The following DCLK1 variants were observed in gnomAD, a reference collection of about 807,000 sequenced individuals.
The protein encoded by DCLK1 is doublecortin like kinase 1.
DCLK1 carries 16 observed loss-of-function variants against 86.2 expected under a neutral mutation model. The ratio of observed to expected loss-of-function variants is 0.19; its 90% CI spans 0.13 to 0.28. The LOEUF (loss-of-function observed/expected upper bound fraction) is 0.28. Among genes scored for constraint, DCLK1 ranks in the 10% least tolerant of loss-of-function variants. DCLK1 has a pLI of 1.00. For synonymous variants in DCLK1, 369 were observed against 370.5 expected, an observed-to-expected ratio of 1.00 and a Z score of 0.05; for missense variants, 590 against 940.2, an observed-to-expected ratio of 0.63 and a Z score of 4.87.
At chr13:36,098,518 G>A (rs1428243029) in intron 3 of DCLK1, among the ~76,000 whole-genome samples, 1 of 152,118 alleles carries the variant, frequency 6.6e-6, no homozygotes, top group East Asian at 1.9e-4. Flanking sequence ...AGAGAGATTT[G>A]CAATTATTTA....
intron 3 of DCLK1, among the ~76,000 whole-genome samples, chr13:36,098,814 G>A (rs1382375849): frequency 6.6e-6 from 1 of 152,132 alleles, no homozygotes; most frequent in Non-Finnish European, 1.5e-5. Flanking sequence ...ATCTTAATGG[G>A]AAAGTGCAGG....
At chr13:35,796,368 A>C (rs970147345) in intron 15 of DCLK1, among the ~76,000 whole-genome samples, 3 of 152,202 alleles carry the variant, frequency 2.0e-5, no homozygotes, top group Non-Finnish European at 4.4e-5. Context: ...GCTAGTGAAA[A>C]GGGAGAGTTG....
chr13:36,117,455 A>C (rs1224461075), intron 2 of DCLK1, among the ~76,000 whole-genome samples: 2 of 152,210 alleles, frequency 1.3e-5, no homozygotes, highest in African/African-American at 2.4e-5. Context: ...CAGCAACAAA[A>C]TAATACAAGG....
chr13:35,790,011 C>T (rs1480650025), intron 16 of DCLK1, among the ~76,000 whole-genome samples: 1 of 152,088 alleles, frequency 6.6e-6, no homozygotes, highest in African/African-American at 2.4e-5. Flanking sequence ...CATGGCTTGA[C>T]CTAATGTCAG....
chr13:35,928,306 C>A (rs1464803767), intron 4 of DCLK1, among the ~76,000 whole-genome samples: 1 of 152,170 alleles, frequency 6.6e-6, no homozygotes, highest in Non-Finnish European at 1.5e-5. Context: ...GCACTGCGGC[C>A]TGCCTGCCAC....
intron 3 of DCLK1, among the ~76,000 whole-genome samples, chr13:36,070,067 TAA>T (rs1395598992): frequency 1.3e-5 from 2 of 152,036 alleles, no homozygotes; most frequent in Non-Finnish European, 2.9e-5. Flanking sequence ...AAAAATAAAA[TAA>T]AATCCTTAAG....
chr13:36,006,554 T>A (rs1345697861), intron 3 of DCLK1, among the ~76,000 whole-genome samples: 2 of 152,222 alleles, frequency 1.3e-5, no homozygotes, highest in African/African-American at 4.8e-5. Flanking sequence ...TTTGCCACTT[T>A]CCATGTTTAA....
chr13:35,816,959 A>G (rs1241668123), intron 11 of DCLK1, among the ~76,000 whole-genome samples: 3 of 152,178 alleles, frequency 2.0e-5, no homozygotes, highest in Admixed American at 1.3e-4. Context: ...GTTATATATT[A>G]CCAAATTGCC....
intron 8 of DCLK1, among the ~76,000 whole-genome samples, chr13:35,835,700 C>G (rs1007004431): frequency 1.3e-5 from 2 of 152,122 alleles, no homozygotes; most frequent in Non-Finnish European, 2.9e-5. Context: ...AACTTTCTGA[C>G]CTCTACAAAA....
chr13:36,100,595 C>G (rs1158694106), intron 3 of DCLK1, among the ~76,000 whole-genome samples: 1 of 152,018 alleles, frequency 6.6e-6, no homozygotes, highest in Non-Finnish European at 1.5e-5. Flanking sequence ...TATTTTTTCC[C>G]TAATTTAGAG....
chr13:35,985,394 A>C (rs1361641769), intron 3 of DCLK1, among the ~76,000 whole-genome samples: 1 of 151,762 alleles, frequency 6.6e-6, no homozygotes, highest in Non-Finnish European at 1.5e-5. Flanking sequence ...AAACAAACAA[A>C]AAAAAAAAAT....
intron 3 of DCLK1, among the ~76,000 whole-genome samples, chr13:36,062,450 C>T (rs568632446): frequency 2.0e-5 from 3 of 152,180 alleles, no homozygotes; most frequent in African/African-American, 7.2e-5. Context: ...GGAGAACAAC[C>T]CACCTGTTAC....
At chr13:36,012,092 C>A (rs1593815967) in intron 3 of DCLK1, among the ~76,000 whole-genome samples, 1 of 140,180 alleles carries the variant, frequency 7.1e-6, no homozygotes. Flanking sequence ...AGATCTTCCT[C>A]CATCCTTTTA....
intron 3 of DCLK1, among the ~76,000 whole-genome samples, chr13:36,100,003 A>G (rs1481446779): frequency 6.6e-6 from 1 of 152,026 alleles, no homozygotes; most frequent in Non-Finnish European, 1.5e-5. Context: ...AAGTCTACCA[A>G]TTTGACACAC....
At position 35,933,016 on chromosome 13, in the gene DCLK1, C is replaced by T. The variant is rs570016506; in HGVS notation, c.823+14342G>A. ...TTACTTCCTAGATACAATGGGGGTA[C>T]GGGCACTGGGTAAATACAACAATTC... On this transcript the variant is annotated intron_variant, in intron 4 of 16. Coordinates refer to ENST00000360631, the MANE Select transcript of DCLK1 (RefSeq NM_001330071.2). 1.9e-4 allele frequency among the ~76,000 whole-genome samples: 29 copies of T among 152,246 alleles called. No homozygotes were observed. In the East Asian group the frequency reaches 4.6e-3, roughly 24 times the overall value.
intron 2 of DCLK1, among the ~76,000 whole-genome samples, chr13:36,124,415 TC>T (rs1452296068): frequency 3.3e-5 from 5 of 152,198 alleles, no homozygotes; most frequent in African/African-American, 1.2e-4. Flanking sequence ...GGATGTGAAT[TC>T]CCACAAAATA....
intron 3 of DCLK1, among the ~76,000 whole-genome samples, chr13:36,102,871 C>T (rs763979499): frequency 2.1e-4 from 32 of 152,104 alleles, no homozygotes; most frequent in Non-Finnish European, 4.1e-4. Context: ...AGAAGATAGA[C>T]AAAAGAGGCT....
At chr13:35,788,255 C>A in intron 16 of DCLK1, 1 of 1,613,986 alleles carries the variant, frequency 6.2e-7, no homozygotes, top group Non-Finnish European at 8.5e-7. Flanking sequence ...TCCAAAGACC[C>A]TGATCTCTTG....
chr13:36,015,852 G>A (rs188790263), intron 3 of DCLK1, among the ~76,000 whole-genome samples: 2 of 152,188 alleles, frequency 1.3e-5, no homozygotes, highest in Admixed American at 1.3e-4. Context: ...ATTCAGACTA[G>A]AGATGAAAAA....
Sources: gnomAD v4.1 joint callset for allele counts (sites outside exome capture counted in the v4.1 genomes callset) on GRCh38, gnomAD v4.1.1 for gene constraint, MANE v1.5 for transcripts, NCBI Gene and HGNC (gene_info 2026-07-23, HGNC 2026-07-21) for gene names.